PCDHGA1: variants seen among roughly 807,000 people sequenced by gnomAD.
The protein encoded by PCDHGA1 is protocadherin gamma-A1.
In PCDHGA1, 32 loss-of-function variants were observed where a neutral mutation model predicts 58.0. The observed-to-expected ratio is 0.55, with a 90% CI of 0.42 to 0.74. PCDHGA1 has a LOEUF of 0.74. PCDHGA1 is among the 30% of genes least tolerant of loss of function. The pLI, the probability that PCDHGA1 is intolerant of heterozygous loss-of-function variation, is 0.00. For synonymous variants in PCDHGA1, 498 were observed against 501.1 expected (o/e 0.99, Z 0.08); for missense variants, 1,205 against 1,182.3 (o/e 1.02, Z -0.28).
rs35224477 is a variant in PCDHGA1, at chr5:141,464,263, TA to T, written c.2422-30530del. On this transcript the variant is annotated intron_variant, in intron 1 of 3. Coordinates refer to ENST00000517417, the MANE Select transcript of PCDHGA1 (RefSeq NM_018912.3). ...CTGGGCTACAGAGCGAGACTCCGTC[TA>T]AAAAAAAAAAAAAGCAAAAAAAAAA... Among the ~76,000 whole-genome samples, 390 of 103,506 alleles carry T rather than the reference TA, an allele frequency of 3.8e-3. 1 individual carries two copies. Among genetic ancestry groups the T allele is most frequent in the Admixed American group, 4.7e-3 (45 of 9,486 alleles). 67.9% of individuals were successfully genotyped at this position (103,506 alleles called of 152,430 possible). A position where few individuals can be genotyped will look rare whatever the true frequency, so the allele number is the denominator to read the frequency against.
At chr5:141,419,689 G>T in intron 1 of PCDHGA1, 1 of 1,613,000 alleles carries the variant, frequency 6.2e-7, no homozygotes, top group African/African-American at 1.3e-5. Context: ...ACGTGGTGCA[G>T]GCCAGTGAGC....
chr5:141,340,742 G>T (rs528378517), intron 1 of PCDHGA1: 6 of 1,614,086 alleles, frequency 3.7e-6, no homozygotes, highest in Middle Eastern at 1.7e-4. Context: ...GGTGACCAAG[G>T]TGGTGGCGGT....
At chr5:141,415,275 G>T in intron 1 of PCDHGA1, 5 of 1,614,212 alleles carry the variant, frequency 3.1e-6, no homozygotes, top group Non-Finnish European at 4.2e-6. Flanking sequence ...TGGTGGTAGC[G>T]GTGGCCGCGG....
At chr5:141,441,852 G>A in intron 1 of PCDHGA1, 1 of 352,826 alleles carries the variant, frequency 2.8e-6, no homozygotes, top group South Asian at 2.4e-5. Flanking sequence ...TGGATATGGT[G>A]CTGCACGCCG....
intron 1 of PCDHGA1, chr5:141,382,914 G>T: frequency 6.4e-7 from 1 of 1,552,980 alleles, no homozygotes; most frequent in South Asian, 1.2e-5. Context: ...CGGCTCAGCC[G>T]AGGGGCGGGG....
At chr5:141,502,925 C>T (rs962871271) in intron 2 of PCDHGA1, among the ~76,000 whole-genome samples, 5 of 145,518 alleles carry the variant, frequency 3.4e-5, no homozygotes, top group Non-Finnish European at 5.9e-5. Flanking sequence ...GCAGTGGCAA[C>T]CTTCACCTCC....
At chr5:141,498,551 C>T (rs749191535) in intron 2 of PCDHGA1, among the ~76,000 whole-genome samples, 2 of 151,950 alleles carry the variant, frequency 1.3e-5, no homozygotes, top group Non-Finnish European at 2.9e-5. Context: ...GTCAGACACA[C>T]CAGCTTCAAA....
Position 141,485,567 on chromosome 5 carries a change from C to G in PCDHGA1, c.2422-9240C>G. The stretch of plus-strand genomic sequence containing the variant: ...CGTAGATGTGAATGATCACGCCCCC[C>G]GTTTTCCGCGGCAGCAGCTGGACTT... On this transcript the variant is annotated intron_variant, in intron 1 of 3. Transcript: ENST00000517417. This position sits in a 1 kb window ranked among gnomAD's most constrained non-coding sequence, Gnocchi z 5.7. 1 of 1,612,882 alleles carries G rather than the reference C, an allele frequency of 6.2e-7. No individual in the cohort carries two copies. The highest frequency in any genetic ancestry group is 8.5e-7 in the Non-Finnish European group (1 of 1,178,978).
intron 1 of PCDHGA1, chr5:141,478,346 G>A: frequency 6.2e-7 from 1 of 1,613,794 alleles, no homozygotes; most frequent in African/African-American, 1.3e-5. Context: ...CTCCTTGCAC[G>A]CGGACGCCGT....
At chr5:141,503,004 C>T (rs114294610) in intron 2 of PCDHGA1, among the ~76,000 whole-genome samples, 5,013 of 145,894 alleles carry the variant, frequency 0.034, 127 homozygotes, top group South Asian at 0.076. Context: ...CCACCATGCC[C>T]GGTTAATTTT....
chr5:141,346,095 G>T (rs1247452156), intron 1 of PCDHGA1: 16 of 1,613,658 alleles, frequency 9.9e-6, no homozygotes, highest in Non-Finnish European at 1.4e-5. Flanking sequence ...CAACGATTCG[G>T]ACCTCACTCT....
Position 141,389,968 on chromosome 5 carries a change from C to A in PCDHGA1, c.2421+56863C>A, listed in dbSNP as rs898974383. ...CAGTTTTACCTAGTGGTGGCCTTGG[C>A]CTTGATCTCAGTGCTCTTCCTCGTG... is the stretch of plus-strand genomic sequence containing the variant. On this transcript the variant is annotated intron_variant, in intron 1 of 3. Coordinates refer to ENST00000517417, the MANE Select transcript of PCDHGA1 (RefSeq NM_018912.3). 3 of 1,613,908 alleles carry A rather than the reference C, an allele frequency of 1.9e-6. No homozygotes were observed. The highest frequency in any genetic ancestry group is 2.5e-6 in the Non-Finnish European group (3 of 1,179,892).
intron 1 of PCDHGA1, chr5:141,339,597 A>C: frequency 6.2e-7 from 1 of 1,614,118 alleles, no homozygotes; most frequent in Non-Finnish European, 8.5e-7. Context: ...GCTGTTCACC[A>C]CCTCGTTCTC....
intron 1 of PCDHGA1, chr5:141,393,129 A>T (rs2150509668): frequency 1.2e-6 from 2 of 1,613,426 alleles, no homozygotes; most frequent in Non-Finnish European, 1.7e-6. Flanking sequence ...TCTGATAAAT[A>T]TTAACACCCT....
chr5:141,345,875 G>C (rs761228876), intron 1 of PCDHGA1: 3 of 1,613,370 alleles, frequency 1.9e-6, no homozygotes, highest in East Asian at 4.5e-5. Flanking sequence ...CCAGCGAGCC[G>C]GGACTCTTCT....
chr5:141,361,982 T>G (rs756919510), intron 1 of PCDHGA1: 7 of 1,601,420 alleles, frequency 4.4e-6, no homozygotes, highest in Non-Finnish European at 6.0e-6. Context: ...GAGCCCGGGC[T>G]CTTCAGCCTG....
intron 1 of PCDHGA1, chr5:141,360,653 A>G: frequency 1.9e-6 from 3 of 1,614,020 alleles, no homozygotes; most frequent in East Asian, 2.2e-5. Context: ...TACCACCTTA[A>G]TGACAACGAG....
intron 1 of PCDHGA1, chr5:141,383,529 G>C (rs367939205): frequency 2.4e-5 from 39 of 1,612,356 alleles, no homozygotes; most frequent in Non-Finnish European, 3.1e-5. Flanking sequence ...TTCACCACCT[G>C]GTCCTCACAG....
Position 141,355,831 on chromosome 5 carries a change from G to A in PCDHGA1, c.2421+22726G>A, listed in dbSNP as rs1289271029. On this transcript the variant is annotated intron_variant, in intron 1 of 3. Coordinates refer to ENST00000517417, the MANE Select transcript of PCDHGA1 (RefSeq NM_018912.3). ...CGAGGAAGAGGCGGTTCACCACCTC[G>A]TTCTCACGGCCTTCGATGGAGGTGA... 1 of 1,612,566 alleles carries A rather than the reference G, an allele frequency of 6.2e-7. No individual in the cohort carries two copies. The highest frequency in any genetic ancestry group is 1.3e-5 in the African/African-American group (1 of 75,008).
Sources: gnomAD v4.1 joint callset for allele counts (sites outside exome capture counted in the v4.1 genomes callset) on GRCh38, gnomAD v4.1.1 for gene constraint, Gnocchi (gnomAD v3.1) non-coding constraint, MANE v1.5 for transcripts, NCBI Gene and HGNC (gene_info 2026-07-23, HGNC 2026-07-21) for gene names.